Variants in PDE4D observed in about 807,000 individuals in gnomAD.
The protein encoded by PDE4D is phosphodiesterase 4D, also known as 3',5'-cyclic-AMP phosphodiesterase 4D.
Under a neutral mutation model 87.4 loss-of-function variants are expected in PDE4D, and 24 were observed. That is an observed-to-expected ratio of 0.27 (90% confidence interval 0.20 to 0.39). The LOEUF (loss-of-function observed/expected upper bound fraction) is 0.39. Ranked by LOEUF, PDE4D falls within the 10% of genes least tolerant of loss-of-function variation. PDE4D has a pLI of 1.00. For missense variants in PDE4D, 714 were observed against 1,041.0 expected (o/e 0.69, Z 4.32); for synonymous variants, 384 against 383.2 (o/e 1.00, Z -0.02).
At chr5:60,189,285 C>T (rs1019888897) in intron 1 of PDE4D, among the ~76,000 whole-genome samples, 3 of 152,094 alleles carry the variant, frequency 2.0e-5, no homozygotes, top group South Asian at 2.1e-4. Flanking sequence ...TTTGCTGTGT[C>T]AATGCAAAGG....
chr5:59,567,122 G>A lies in PDE4D; in HGVS notation c.455+326046C>T, dbSNP rs145228801. 3.1e-3 allele frequency among the ~76,000 whole-genome samples: 472 copies of A among 152,222 alleles called. 3 individuals carry two copies. Among genetic ancestry groups the A allele is most frequent in the African/African-American group, 9.8e-3 (409 of 41,526 alleles). ...ATCTTAAAATTGTTTTCCTTGGGAC[G>A]TTCATTGAAAGTATGGCTCATTACT... is the stretch of plus-strand genomic sequence containing the variant. On this transcript the variant is annotated intron_variant, in intron 1 of 14. Coordinates refer to ENST00000340635, the MANE Select transcript of PDE4D (RefSeq NM_001104631.2).
intron 3 of PDE4D, among the ~76,000 whole-genome samples, chr5:59,903,874 A>G (rs1163739368): frequency 6.6e-6 from 1 of 152,120 alleles, no homozygotes; most frequent in African/African-American, 2.4e-5. Context: ...GGACATTGTC[A>G]ATTTCCTCAT....
intron 3 of PDE4D, among the ~76,000 whole-genome samples, chr5:59,959,321 A>T (rs961693016): frequency 1.3e-5 from 2 of 152,214 alleles, no homozygotes. Flanking sequence ...CAGTATTTCT[A>T]TGAAGTTATC....
chr5:59,432,594 A>T (rs1158605177), intron 1 of PDE4D, among the ~76,000 whole-genome samples: 1 of 152,102 alleles, frequency 6.6e-6, no homozygotes. Flanking sequence ...AAGACTATCC[A>T]TTGTTATTCA....
At chr5:59,165,251 T>A (rs1781747590) in intron 5 of PDE4D, among the ~76,000 whole-genome samples, 1 of 152,184 alleles carries the variant, frequency 6.6e-6, no homozygotes, top group African/African-American at 2.4e-5. Context: ...CTGTGAGCCA[T>A]GCATTTTGCT....
intron 1 of PDE4D, among the ~76,000 whole-genome samples, chr5:59,272,717 G>C (rs1168652105): frequency 6.6e-6 from 1 of 152,000 alleles, no homozygotes. Flanking sequence ...ATTTTGTCTT[G>C]AAATTAATAA....
chr5:60,001,753 T>C (rs1051608089), intron 2 of PDE4D, among the ~76,000 whole-genome samples: 2 of 151,726 alleles, frequency 1.3e-5, no homozygotes, highest in Admixed American at 1.3e-4. Context: ...TAGCACAAAA[T>C]GACGGGGGAA....
At chr5:60,044,412 G>A (rs1768936295) in intron 2 of PDE4D, among the ~76,000 whole-genome samples, 1 of 151,742 alleles carries the variant, frequency 6.6e-6, no homozygotes, top group South Asian at 2.1e-4. Flanking sequence ...TGTGCACAAT[G>A]TGCAGGTTAG....
At chr5:60,198,514 T>C (rs1741544926) in intron 1 of PDE4D, among the ~76,000 whole-genome samples, 1 of 151,604 alleles carries the variant, frequency 6.6e-6, no homozygotes, top group Non-Finnish European at 1.5e-5. Flanking sequence ...AATGTCAGGA[T>C]CAAGATAAAT....
At chr5:59,645,124 G>GA (rs1412241688) in intron 1 of PDE4D, among the ~76,000 whole-genome samples, 2 of 152,042 alleles carry the variant, frequency 1.3e-5, no homozygotes, top group Non-Finnish European at 1.5e-5. Flanking sequence ...TGAACTCTAG[G>GA]AAAAAAATAG....
chr5:60,347,621 C>T (rs1435207572), intron 1 of PDE4D, among the ~76,000 whole-genome samples: 2 of 152,008 alleles, frequency 1.3e-5, no homozygotes, highest in Non-Finnish European at 2.9e-5. Context: ...TATTTAAATG[C>T]AGACATGATT....
At chr5:59,099,485 C>A (rs1197465131) in intron 5 of PDE4D, among the ~76,000 whole-genome samples, 1 of 152,168 alleles carries the variant, frequency 6.6e-6, no homozygotes, top group Non-Finnish European at 1.5e-5. Flanking sequence ...GTGAGAATCA[C>A]CATATTCACC....
chr5:59,533,796 T>A (rs1238482464), intron 1 of PDE4D, among the ~76,000 whole-genome samples: 2 of 152,174 alleles, frequency 1.3e-5, no homozygotes, highest in Admixed American at 1.3e-4. Flanking sequence ...CCCTTCCAGG[T>A]GATTCTGATG....
chr5:59,945,061 G>T (rs1054695015), intron 3 of PDE4D, among the ~76,000 whole-genome samples: 3 of 152,138 alleles, frequency 2.0e-5, no homozygotes, highest in African/African-American at 7.2e-5. Flanking sequence ...ATATTATTAA[G>T]TATATTAATC....
chr5:59,351,008 T>C (rs1298931178), intron 1 of PDE4D, among the ~76,000 whole-genome samples: 1 of 152,154 alleles, frequency 6.6e-6, no homozygotes, highest in Non-Finnish European at 1.5e-5. Flanking sequence ...CCAAGAGTGG[T>C]ACCAATGATG....
intron 2 of PDE4D, among the ~76,000 whole-genome samples, chr5:59,208,049 C>A (rs1749213822): frequency 6.6e-6 from 1 of 151,640 alleles, no homozygotes; most frequent in Non-Finnish European, 1.5e-5. Context: ...TACCTGTAAT[C>A]CCAGCTACTC....
chr5:59,172,326 A>G (rs1212538681), intron 5 of PDE4D, among the ~76,000 whole-genome samples: 1 of 131,118 alleles, frequency 7.6e-6, no homozygotes, highest in Non-Finnish European at 1.6e-5. Context: ...TAAAATATAT[A>G]ATATATAATA....
At chr5:60,063,134 GA>G (rs1365578548) in intron 2 of PDE4D, among the ~76,000 whole-genome samples, 22 of 142,234 alleles carry the variant, frequency 1.5e-4, no homozygotes, top group African/African-American at 5.5e-4. Context: ...AAGAAAGAAA[GA>G]AAGAAAGAAA....
At chr5:60,104,332 T>C (rs1776603909) in intron 2 of PDE4D, among the ~76,000 whole-genome samples, 1 of 152,174 alleles carries the variant, frequency 6.6e-6, no homozygotes, top group Non-Finnish European at 1.5e-5. Context: ...TTGCCCAGGC[T>C]TGCTTACGTA....
Sources: gnomAD v4.1 joint callset for allele counts (sites outside exome capture counted in the v4.1 genomes callset) on GRCh38, gnomAD v4.1.1 for gene constraint, MANE v1.5 for transcripts, NCBI Gene and HGNC (gene_info 2026-07-23, HGNC 2026-07-21) for gene names.